The following SIK3 variants were observed in gnomAD, a reference collection of about 807,000 sequenced individuals.
The protein encoded by SIK3 is serine/threonine-protein kinase SIK3.
In SIK3, 28 loss-of-function variants were observed where a neutral mutation model predicts 144.2. The observed-to-expected ratio is 0.19, with a 90% CI of 0.14 to 0.27. The LOEUF is 0.27. Ranked by LOEUF, SIK3 falls within the 10% of genes least tolerant of loss-of-function variation. The pLI is 1.00. For missense variants in SIK3, 1,319 were observed against 1,776.0 expected, an observed-to-expected ratio of 0.74 and a Z score of 4.62; for synonymous variants, 686 against 676.3, an observed-to-expected ratio of 1.01 and a Z score of -0.22.
chr11:116,940,871 T>A (rs913624555), intron 3 of SIK3, among the ~76,000 whole-genome samples: 1 of 151,708 alleles, frequency 6.6e-6, no homozygotes, highest in Admixed American at 6.6e-5. Flanking sequence ...TGAATAATAA[T>A]AAATGGGAAA....
At chr11:116,850,970 C>T (rs1942382719) in intron 21 of SIK3, among the ~76,000 whole-genome samples, 1 of 152,196 alleles carries the variant, frequency 6.6e-6, no homozygotes, top group South Asian at 2.1e-4. Context: ...GACCATGCCA[C>T]TGCACTCCAG....
intron 4 of SIK3, among the ~76,000 whole-genome samples, chr11:116,914,625 C>T (rs79711490): frequency 0.075 from 11,345 of 152,196 alleles, 507 homozygotes; most frequent in Middle Eastern, 0.11. Flanking sequence ...GAAACAAGCA[C>T]ACATGTAACT....
chr11:117,010,508 T>C (rs1377895242), intron 1 of SIK3, among the ~76,000 whole-genome samples: 3 of 152,132 alleles, frequency 2.0e-5, no homozygotes, highest in East Asian at 1.9e-4. Context: ...CTTTTTTCTG[T>C]GCCTAAACCA....
chr11:116,932,214 T>C (rs144505253), intron 3 of SIK3, among the ~76,000 whole-genome samples: 1 of 152,154 alleles, frequency 6.6e-6, no homozygotes, highest in African/African-American at 2.4e-5. Context: ...ATTTCTGCAA[T>C]AACCTCCTAG....
intron 5 of SIK3, 77 bp downstream of exon 5, chr11:116,897,116 A>G: frequency 6.9e-7 from 1 of 1,452,978 alleles, no homozygotes; most frequent in Non-Finnish European, 9.4e-7. Context: ...ATCATTATGT[A>G]TCCTTCAGGA....
chr11:116,910,634 G>T (rs1176238840), intron 4 of SIK3, among the ~76,000 whole-genome samples: 1 of 152,048 alleles, frequency 6.6e-6, no homozygotes, highest in Non-Finnish European at 1.5e-5. Flanking sequence ...AAAGAGAAAG[G>T]GACAAGGCCT....
In SIK3 at chr11:116,964,487, C is replaced by A. The variant is rs1175782268; in HGVS notation, c.274-7423G>T. ...AAGGAATGGCTGGGATGCAAGGATG[C>A]TAGCCAACTCGAGACACAAGGACTC... On this transcript the variant is annotated intron_variant, in intron 1 of 24. Coordinates refer to ENST00000445177, the MANE Select transcript of SIK3 (RefSeq NM_001366686.3). Among the ~76,000 whole-genome samples, 3 of 152,150 alleles carry A rather than the reference C, an allele frequency of 2.0e-5. No individual in the cohort carries two copies. In the East Asian group the frequency reaches 5.8e-4, roughly 29 times the overall value.
At chr11:117,022,289 A>G (rs1951813534) in intron 1 of SIK3, among the ~76,000 whole-genome samples, 1 of 131,150 alleles carries the variant, frequency 7.6e-6, no homozygotes, top group African/African-American at 3.0e-5. Flanking sequence ...AAATCTCATT[A>G]AACTGTATAT....
At chr11:117,090,160 A>C (rs1212871607) in intron 1 of SIK3, among the ~76,000 whole-genome samples, 1 of 152,198 alleles carries the variant, frequency 6.6e-6, no homozygotes, top group African/African-American at 2.4e-5. Context: ...ATAAAAGCCC[A>C]TTTGAATGTA....
rs1156628734 is a variant in SIK3 at position 116,867,896 on chromosome 11, G to C, written c.1952+50C>G. ...TCGCTGTGAGACTAATCAGAAGGGTGCCTGTCCGATGAGCCTCAAGGAGCT... is the reference window on the plus strand; with the variant it reads ...TCGCTGTGAGACTAATCAGAAGGGTCCCTGTCCGATGAGCCTCAAGGAGCT... On this transcript the variant is annotated intron_variant, in intron 15 of 24. Transcript: ENST00000445177. The surrounding 1 kb of genome is among the most constrained non-coding windows in gnomAD (Gnocchi z 4.1). 2 of 1,456,384 alleles carry C rather than the reference G, an allele frequency of 1.4e-6. No individual in the cohort carries two copies. Among genetic ancestry groups the C allele is most frequent in the Non-Finnish European group, 1.8e-6 (2 of 1,098,720 alleles). The allele number at this position is 1,456,384 out of a possible 1,614,324, so 90.2% of individuals were successfully genotyped here.
chr11:116,849,366 G>T lies in SIK3; in HGVS notation c.3656-83C>A, dbSNP rs1172278237. ...CTCCCATCCAAGAAATGTCTTGCAA[G>T]GGACAATGGGCAAGGCTGAGGAGAT... On this transcript the variant is annotated intron_variant, in intron 21 of 24. Coordinates refer to ENST00000445177, the MANE Select transcript of SIK3 (RefSeq NM_001366686.3). This position sits in a 1 kb window ranked among gnomAD's most constrained non-coding sequence, Gnocchi z 4.2. 1 of 1,538,384 alleles carries T rather than the reference G, an allele frequency of 6.5e-7. No homozygotes were observed. Among genetic ancestry groups the T allele is most frequent in the Admixed American group, 1.7e-5 (1 of 57,688 alleles).
chr11:116,858,500 G>A lies in SIK3; in HGVS notation c.2965C>T (p.His989Tyr). The change falls in exon 21 of 25, where the codon CAC becomes TAC. Residue 989 changes from histidine (H) to tyrosine (Y), a missense_variant. By Grantham distance (83) the His-to-Tyr change is moderately conservative. Transcript: ENST00000445177. This position sits in a 1 kb window ranked among gnomAD's most constrained non-coding sequence, Gnocchi z 5.4. ...FPPSAHQQPP[H>Y]YTTSALQQAL... Reference sequence around the variant, plus strand: ...TGCTGTAGTGCCGACGTGGTATAGTGTGGCGGCTGCTGATGTGCACTGGGA... The same window carrying A: ...TGCTGTAGTGCCGACGTGGTATAGTATGGCGGCTGCTGATGTGCACTGGGA... 6.2e-7 allele frequency: 1 copy of A among 1,611,182 alleles called. No homozygotes were observed. The highest frequency in any genetic ancestry group is 2.2e-5 in the East Asian group (1 of 44,858).
At chr11:117,023,609 CAAAA>C (rs71469123) in intron 1 of SIK3, among the ~76,000 whole-genome samples, 630 of 51,994 alleles carry the variant, frequency 0.012, 11 homozygotes, top group Middle Eastern at 0.025. Flanking sequence ...AACAAACAAA[CAAAA>C]AAAAAAAAAT....
chr11:117,094,181 C>A (rs1955369772), intron 1 of SIK3, among the ~76,000 whole-genome samples: 1 of 152,164 alleles, frequency 6.6e-6, no homozygotes, highest in African/African-American at 2.4e-5. Context: ...GATTCAAACT[C>A]AGGTTGCTTT....
chr11:116,971,742 GTCTT>G (rs1158824557), intron 1 of SIK3, among the ~76,000 whole-genome samples: 2 of 150,202 alleles, frequency 1.3e-5, no homozygotes, highest in Non-Finnish European at 2.9e-5. Context: ...TCAAACAGGA[GTCTT>G]TCTCTTTTTT....
chr11:117,065,952 G>C (rs534770867), intron 1 of SIK3, among the ~76,000 whole-genome samples: 116 of 151,796 alleles, frequency 7.6e-4, no homozygotes, highest in African/African-American at 2.8e-3. Flanking sequence ...TTTTAATGAA[G>C]TTTATTCCCT....
intron 6 of SIK3, among the ~76,000 whole-genome samples, chr11:116,885,359 A>G (rs1238164878): frequency 6.6e-6 from 1 of 152,206 alleles, no homozygotes; most frequent in Non-Finnish European, 1.5e-5. Flanking sequence ...TATTAGAAAA[A>G]TGACACCTAT....
intron 1 of SIK3, among the ~76,000 whole-genome samples, chr11:117,093,668 A>G (rs1438441039): frequency 8.1e-6 from 1 of 122,898 alleles, no homozygotes; most frequent in Admixed American, 7.6e-5. Flanking sequence ...TCACATTGCT[A>G]TTTAAAAAAA....
intron 1 of SIK3, among the ~76,000 whole-genome samples, chr11:117,061,161 G>A (rs889379238): frequency 1.6e-4 from 25 of 152,200 alleles, no homozygotes; most frequent in African/African-American, 4.3e-4. Flanking sequence ...GCAGGAAGAT[G>A]GCTTGAGCCC....
Sources: allele counts gnomAD v4.1 joint callset (sites outside exome capture counted in the v4.1 genomes callset), GRCh38; gene constraint gnomAD v4.1.1; non-coding constraint Gnocchi (gnomAD v3.1); transcripts MANE v1.5; gene names NCBI Gene and HGNC (gene_info 2026-07-23, HGNC 2026-07-21).